NEK7: variants seen among roughly 807,000 people sequenced by gnomAD.
NEK7 encodes the protein NIMA related kinase 7, also known as serine/threonine-protein kinase Nek7.
Under a neutral mutation model 44.6 loss-of-function variants are expected in NEK7, and 18 were observed. That is an observed-to-expected ratio of 0.40 (90% CI 0.28 to 0.60). NEK7 has a LOEUF of 0.60. Among genes scored for constraint, NEK7 ranks in the 20% least tolerant of loss-of-function variants. The pLI, the probability that NEK7 is intolerant of heterozygous loss-of-function variation, is 0.38. For missense variants in NEK7, 256 were observed against 366.5 expected, an observed-to-expected ratio of 0.70 and a Z score of 2.46; for synonymous variants, 130 against 121.1, an observed-to-expected ratio of 1.07 and a Z score of -0.48.
chr1:198,298,470 A>G (rs563719689), intron 9 of NEK7, among the ~76,000 whole-genome samples: 120 of 152,306 alleles, frequency 7.9e-4, no homozygotes, highest in Admixed American at 1.5e-3. Flanking sequence ...TAATTAGAAT[A>G]AACTGTTACA....
chr1:198,253,458 C>T (rs72731913), intron 3 of NEK7, among the ~76,000 whole-genome samples: 6,636 of 152,164 alleles, frequency 0.044, 226 homozygotes, highest in Middle Eastern at 0.065. Context: ...ATCACCATTA[C>T]TTCTACCTGG....
intron 1 of NEK7, among the ~76,000 whole-genome samples, chr1:198,181,480 A>G (rs763968457): frequency 6.6e-6 from 1 of 152,102 alleles, no homozygotes; most frequent in African/African-American, 2.4e-5. Context: ...GAGACTGGGT[A>G]TCTATCATGG....
chr1:198,245,012 G>T (rs754709422), intron 2 of NEK7, among the ~76,000 whole-genome samples: 4 of 152,130 alleles, frequency 2.6e-5, no homozygotes, highest in African/African-American at 9.7e-5. Context: ...ATAACAGAAA[G>T]TCAATTAACA....
intron 2 of NEK7, among the ~76,000 whole-genome samples, chr1:198,251,155 T>C (rs938541171): frequency 2.3e-4 from 35 of 152,160 alleles, no homozygotes; most frequent in African/African-American, 8.4e-4. Context: ...TTTTTGTCTT[T>C]GGTTCTGTTT....
At chr1:198,310,790 T>G (rs931241427) in intron 9 of NEK7, among the ~76,000 whole-genome samples, 2 of 152,158 alleles carry the variant, frequency 1.3e-5, no homozygotes, top group Non-Finnish European at 2.9e-5. Context: ...TCTGTTCCAT[T>G]GATCTATATC....
At chr1:198,241,337 TATAGA>T (rs1666679967) in intron 2 of NEK7, among the ~76,000 whole-genome samples, 1 of 152,236 alleles carries the variant, frequency 6.6e-6, no homozygotes, top group South Asian at 2.1e-4. Flanking sequence ...GTCACATTCA[TATAGA>T]ATACATTTAA....
At chr1:198,253,225 G>A in intron 3 of NEK7, 45 bp downstream of exon 3, 1 of 1,293,814 alleles carries the variant, frequency 7.7e-7, no homozygotes. Flanking sequence ...ATTATACTAT[G>A]TGAATTATAG....
At chr1:198,250,192 A>G (rs1325535513) in intron 2 of NEK7, among the ~76,000 whole-genome samples, 4 of 148,752 alleles carry the variant, frequency 2.7e-5, no homozygotes, top group Non-Finnish European at 5.9e-5. Flanking sequence ...ATAGTTGTAG[A>G]TATGTGGCAT....
At chr1:198,255,272 A>G (rs1384105916) in intron 3 of NEK7, among the ~76,000 whole-genome samples, 1 of 152,168 alleles carries the variant, frequency 6.6e-6, no homozygotes, top group East Asian at 1.9e-4. Context: ...TTTTCAAAGT[A>G]AAATTACAAG....
In NEK7 at chr1:198,217,841, A is replaced by T. The variant is rs776139378; in HGVS notation, c.-28-14712A>T. Among the ~76,000 whole-genome samples the T allele has an allele frequency of 2.2e-3, 137 of 63,072 alleles. 1 individual carries two copies. The highest frequency in any genetic ancestry group is 0.012 in the African/African-American group (97 of 7,918). 41.4% of individuals were successfully genotyped at this position (63,072 alleles called of 152,430 possible). ...CACAATCCGTTTTTACAATAGCTATAAAAAAAAAAAAAAAAGCCCCAAGCC... is the reference window on the plus strand; with the variant it reads ...CACAATCCGTTTTTACAATAGCTATTAAAAAAAAAAAAAAAGCCCCAAGCC... On this transcript the variant is annotated intron_variant, in intron 1 of 9. Coordinates refer to ENST00000367385, the MANE Select transcript of NEK7 (RefSeq NM_133494.3).
At chr1:198,176,280 T>C (rs1664601212) in intron 1 of NEK7, among the ~76,000 whole-genome samples, 1 of 152,154 alleles carries the variant, frequency 6.6e-6, no homozygotes, top group African/African-American at 2.4e-5. Context: ...ACTGATTCAT[T>C]TAAATACATG....
At chr1:198,302,684 C>T (rs529875211) in intron 9 of NEK7, among the ~76,000 whole-genome samples, 4 of 152,202 alleles carry the variant, frequency 2.6e-5, no homozygotes, top group East Asian at 1.9e-4. Flanking sequence ...ATTTATGTGG[C>T]TTTGAATAAA....
chr1:198,218,327 C>T (rs1665985909), intron 1 of NEK7, among the ~76,000 whole-genome samples: 1 of 151,944 alleles, frequency 6.6e-6, no homozygotes, highest in South Asian at 2.1e-4. Flanking sequence ...GAAATAGACA[C>T]CCTATTTGAT....
chr1:198,321,011 T>C lies in NEK7; in HGVS notation c.*1489T>C, dbSNP rs1256338927. ...AGCCTGAAGGCCAAGAGGAAGTCAC[T>C]GTTAAAGGACTCTGTGCCATCTTAC... On this transcript the variant is annotated 3_prime_UTR_variant, in exon 10 of 10. Transcript: ENST00000367385. 2.0e-5 allele frequency: 3 copies of C among 152,216 alleles called. No individual in the cohort carries two copies. In the East Asian group the frequency reaches 5.8e-4, roughly 29 times the overall value. 9.4% of individuals were successfully genotyped at this position (152,216 alleles called of 1,614,324 possible).
intron 1 of NEK7, among the ~76,000 whole-genome samples, chr1:198,219,149 G>A (rs927675225): frequency 1.6e-4 from 25 of 151,622 alleles, no homozygotes; most frequent in Non-Finnish European, 3.5e-4. Context: ...CAAAGAAATG[G>A]AATCAACCTA....
chr1:198,274,368 AT>A (rs1653950912), intron 5 of NEK7, among the ~76,000 whole-genome samples: 1 of 151,558 alleles, frequency 6.6e-6, no homozygotes, highest in African/African-American at 2.4e-5. Flanking sequence ...AAAATTAAAA[AT>A]TTTTAAGATG....
intron 7 of NEK7, among the ~76,000 whole-genome samples, chr1:198,292,670 T>TC (rs1218018608): frequency 6.6e-6 from 1 of 151,974 alleles, no homozygotes; most frequent in Non-Finnish European, 1.5e-5. Flanking sequence ...TTACTTTTTT[T>TC]CCCTTAGTTA....
chr1:198,206,732 T>G (rs547876501), intron 1 of NEK7: 8 of 152,154 alleles, frequency 5.3e-5, no homozygotes, highest in African/African-American at 1.9e-4. Flanking sequence ...CCTTGAAAAA[T>G]TTTTTTACAT....
intron 2 of NEK7, among the ~76,000 whole-genome samples, chr1:198,235,386 C>T (rs943627911): frequency 1.3e-5 from 2 of 152,010 alleles, no homozygotes; most frequent in Admixed American, 6.6e-5. Flanking sequence ...CCCTTCTTTT[C>T]CCCCTTTCTT....
Sources: gnomAD v4.1 joint callset for allele counts (sites outside exome capture counted in the v4.1 genomes callset) on GRCh38, gnomAD v4.1.1 for gene constraint, MANE v1.5 for transcripts, NCBI Gene and HGNC (gene_info 2026-07-23, HGNC 2026-07-21) for gene names.